Variants in GOPC observed in about 807,000 individuals in gnomAD.
The protein encoded by GOPC is Golgi-associated PDZ and coiled-coil motif-containing protein.
GOPC carries 32 observed loss-of-function variants against 51.2 expected under a neutral mutation model. That is an observed-to-expected ratio of 0.63 (90% CI 0.47 to 0.84). GOPC has a LOEUF of 0.84. GOPC is among the 40% of genes least tolerant of loss of function. GOPC has a pLI of 0.00. For missense variants in GOPC, 441 were observed against 555.5 expected (o/e 0.79, Z 2.07); for synonymous variants, 190 against 205.1 (o/e 0.93, Z 0.63).
At chr6:117,600,625 A>T (rs1397761036) in intron 1 of GOPC, among the ~76,000 whole-genome samples, 1 of 152,148 alleles carries the variant, frequency 6.6e-6, no homozygotes, top group Non-Finnish European at 1.5e-5. Flanking sequence ...GCAACAAAGC[A>T]CTCCATCTCT....
intron 1 of GOPC, among the ~76,000 whole-genome samples, chr6:117,595,309 T>C (rs1780181060): frequency 6.6e-6 from 1 of 152,086 alleles, no homozygotes; most frequent in South Asian, 2.1e-4. Context: ...CAAAAGGGAG[T>C]GCCATAACTG....
intron 1 of GOPC, among the ~76,000 whole-genome samples, chr6:117,593,279 C>T (rs1416440538): frequency 6.6e-6 from 1 of 151,572 alleles, no homozygotes; most frequent in Admixed American, 6.6e-5. Flanking sequence ...ACAGAAACTT[C>T]CACAACCTCC....
At position 117,578,939 on chromosome 6, in the gene GOPC, A is replaced by G; in HGVS notation, c.411T>C (p.Thr137=). ...TGGTACCAGAGTCAGCACTTTGACC[A>G]GTTTTAGCATGAAGCTGCAGCTGAA... ...HSIQLQLHAK[T]GQSADSGTIK... Residue 137 remains threonine (T), a synonymous_variant, in exon 2 of 9, where the codon ACT becomes ACC. Transcript: ENST00000368498. The G allele has an allele frequency of 6.2e-7, 1 of 1,607,934 alleles. No homozygotes were observed. The highest frequency in any genetic ancestry group is 8.5e-7 in the Non-Finnish European group (1 of 1,177,840).
chr6:117,565,158 CTA>C (rs1779670306), intron 8 of GOPC, among the ~76,000 whole-genome samples: 2 of 152,242 alleles, frequency 1.3e-5, no homozygotes, highest in African/African-American at 4.8e-5. Flanking sequence ...ACAAATAACT[CTA>C]TGTTCCAAAC....
In GOPC at chr6:117,573,507, C is replaced by T. The variant is rs1392854003; in HGVS notation, c.776G>A (p.Arg259His). The T allele has an allele frequency of 5.0e-6, 8 of 1,614,044 alleles. No individual in the cohort carries two copies. Among genetic ancestry groups the T allele is most frequent in the East Asian group, 2.2e-5 (1 of 44,884 alleles). Residue 259 changes from arginine to histidine, a missense_variant, in exon 5 of 9, where the codon CGT becomes CAT. By Grantham distance (29) the Arg-to-His change is conservative. Coordinates refer to ENST00000368498, the MANE Select transcript of GOPC (RefSeq NM_020399.4). ...HKTVIRACRG[R>H]NDLKRPMQAP... ...TTGCATTGGTCGTTTCAAGTCATTA[C>T]GTCCTCTGCAGGCTCGGATCACAGT...
Position 117,562,015 on chromosome 6 carries a change from G to A in GOPC, c.*1239C>T, listed in dbSNP as rs1235840491. On this transcript the variant is annotated 3_prime_UTR_variant, in exon 9 of 9. Coordinates refer to ENST00000368498, the MANE Select transcript of GOPC (RefSeq NM_020399.4). ...CCACTTAATATTCCTTTAACTGTAC[G>A]TCCTTTAAAACAGTGATATTAGCAA... 3.4e-5 allele frequency: 7 copies of A among 205,424 alleles called. No individual in the cohort carries two copies. The highest frequency in any genetic ancestry group is 3.0e-4 in the East Asian group (4 of 13,398). The allele number at this position is 205,424 out of a possible 1,614,324, so 12.7% of individuals were successfully genotyped here.
intron 3 of GOPC, 74 bp from the exon 4 acceptor site, chr6:117,575,426 G>A (rs1334448530): frequency 9.3e-7 from 1 of 1,072,810 alleles, no homozygotes; most frequent in African/African-American, 1.6e-5. Flanking sequence ...TCCTGAAAAT[G>A]CACAAAAGCC....
intron 1 of GOPC, among the ~76,000 whole-genome samples, chr6:117,586,219 T>C (rs1780031007): frequency 6.6e-6 from 1 of 152,056 alleles, no homozygotes; most frequent in Non-Finnish European, 1.5e-5. Flanking sequence ...TTAAACCTCA[T>C]ATAGTCAAAA....
chr6:117,570,355 C>T (rs1042295098), intron 6 of GOPC, among the ~76,000 whole-genome samples: 2 of 151,668 alleles, frequency 1.3e-5, no homozygotes, highest in Non-Finnish European at 2.9e-5. Context: ...CTAAGTATTA[C>T]CAAATGAAAA....
rs1005552265 is a variant in GOPC at position 117,561,585 on chromosome 6, G to GT, written c.*1668dup. The GT allele has an allele frequency of 1.2e-4, 25 of 208,596 alleles. No individual in the cohort carries two copies. The highest frequency in any genetic ancestry group is 3.1e-3 in the Middle Eastern group (2 of 650). 12.9% of individuals were successfully genotyped at this position (208,596 alleles called of 1,614,324 possible). A position where few individuals can be genotyped will look rare whatever the true frequency, so the allele number is the denominator to read the frequency against. ...GGGATTCATAAAGAAAAAACAAGTT[G>GT]TTTTTTTTCTTTTAAGAGGCCTACC... On this transcript the variant is annotated 3_prime_UTR_variant, in exon 9 of 9. Transcript: ENST00000368498.
intron 1 of GOPC, among the ~76,000 whole-genome samples, chr6:117,579,976 A>G (rs991566262): frequency 2.6e-5 from 4 of 152,150 alleles, no homozygotes; most frequent in Non-Finnish European, 4.4e-5. Context: ...ATATACAGAG[A>G]GAGAACTGAC....
intron 7 of GOPC, among the ~76,000 whole-genome samples, chr6:117,568,143 TG>T (rs1417112750): frequency 6.3e-4 from 95 of 151,832 alleles, no homozygotes. Context: ...GAGGCTGCAG[TG>T]GTCCGTAATT....
chr6:117,575,418 C>T, intron 3 of GOPC, 66 bp from the exon 4 acceptor site: 1 of 1,161,014 alleles, frequency 8.6e-7, no homozygotes, highest in Non-Finnish European at 1.3e-6. Flanking sequence ...GACCATGTTC[C>T]TGAAAATGCA....
chr6:117,591,611 G>A (rs190609082), intron 1 of GOPC, among the ~76,000 whole-genome samples: 3 of 152,280 alleles, frequency 2.0e-5, no homozygotes, highest in African/African-American at 7.2e-5. Flanking sequence ...TGTAGACAAA[G>A]GGTATAGAGA....
At chr6:117,588,555 C>T (rs901168443) in intron 1 of GOPC, among the ~76,000 whole-genome samples, 5 of 151,918 alleles carry the variant, frequency 3.3e-5, no homozygotes, top group East Asian at 1.9e-4. Flanking sequence ...GGATTACAGG[C>T]GTGAGTTATC....
rs41302045 is a variant in GOPC at position 117,578,909 on chromosome 6, C to T, written c.441G>A (p.Lys147=). Residue 147 remains lysine (K), a synonymous_variant, in exon 2 of 9, where the codon AAG becomes AAA. Transcript: ENST00000368498. ...TCTCTAAACTACTTACCAATTTTGC[C>T]TTAATGGTACCAGAGTCAGCACTTT... ...TGQSADSGTI[K]AKLSGPSVEE... is the part of the protein sequence containing the mutation. 6,491 of 1,587,216 alleles carry T rather than the reference C, an allele frequency of 4.1e-3. 25 individuals carry two copies. The highest frequency in any genetic ancestry group is 0.024 in the Middle Eastern group (141 of 5,950).
intron 5 of GOPC, among the ~76,000 whole-genome samples, chr6:117,572,811 T>C (rs893120118): frequency 1.4e-4 from 22 of 152,246 alleles, no homozygotes; most frequent in African/African-American, 5.3e-4. Flanking sequence ...ACAAAAATCT[T>C]TGCAGAGCCA....
Position 117,563,192 on chromosome 6 carries a change from T to C in GOPC, c.*62A>G, listed in dbSNP as rs1418358044. The C allele has an allele frequency of 6.7e-7, 1 of 1,498,650 alleles. No individual in the cohort carries two copies. The highest frequency in any genetic ancestry group is 9.2e-7 in the Non-Finnish European group (1 of 1,085,098). The allele number at this position is 1,498,650 out of a possible 1,614,324, so 92.8% of individuals were successfully genotyped here. A position where few individuals can be genotyped will look rare whatever the true frequency, so the allele number is the denominator to read the frequency against. On this transcript the variant is annotated 3_prime_UTR_variant, in exon 9 of 9. Transcript: ENST00000368498. ...TGATTTTGTAGTCTTTGTCACCATC[T>C]TCCCCAGTGCCCCAAATTCAGAATA...
Position 117,602,430 on chromosome 6 carries a change from G to C in GOPC, c.-142C>G, listed in dbSNP as rs528975977. 5.7e-4 allele frequency: 447 copies of C among 781,236 alleles called. 2 individuals carry two copies. The African/African-American group carries it at 7.3e-3, about 13-fold the overall frequency. 48.4% of individuals were successfully genotyped at this position (781,236 alleles called of 1,614,324 possible). The stretch of plus-strand genomic sequence containing the variant: ...TCACCTCGCGCCGTTAACGCCAGCA[G>C]CACAGTCACAGAACCGCAGGAGTAA... On this transcript the variant is annotated 5_prime_UTR_variant, in exon 1 of 9. Coordinates refer to ENST00000368498, the MANE Select transcript of GOPC (RefSeq NM_020399.4).
Sources: allele counts gnomAD v4.1 joint callset (sites outside exome capture counted in the v4.1 genomes callset), GRCh38; gene constraint gnomAD v4.1.1; transcripts MANE v1.5; gene names NCBI Gene and HGNC (gene_info 2026-07-23, HGNC 2026-07-21).